TTC28: variants seen among roughly 807,000 people sequenced by gnomAD.
The protein encoded by TTC28 is tetratricopeptide repeat domain 28.
TTC28 carries 61 observed loss-of-function variants against 198.0 expected under a neutral mutation model. That is an observed-to-expected ratio of 0.31 (90% CI 0.25 to 0.38). TTC28 has a LOEUF of 0.38. TTC28 is among the 10% of genes least tolerant of loss of function. The probability of loss-of-function intolerance (pLI) is 1.00; values close to 1 mark genes in which losing one functional copy is unlikely to be tolerated. For synonymous variants in TTC28, 1,171 were observed against 1,297.8 expected, an observed-to-expected ratio of 0.90 and a Z score of 2.10; for missense variants, 2,678 against 3,164.0, an observed-to-expected ratio of 0.85 and a Z score of 3.69.
intron 2 of TTC28, among the ~76,000 whole-genome samples, chr22:28,606,656 A>ATGTG (rs1442774505): frequency 6.6e-6 from 1 of 152,174 alleles, no homozygotes; most frequent in Non-Finnish European, 1.5e-5. Context: ...AAAAATTTAT[A>ATGTG]TGTGTGTGTA....
rs965039449 is a variant in TTC28, at chr22:28,005,577, G to A, written c.4219-4024C>T. Reference sequence around the variant, plus strand: ...TGAGGAGGCAGGAGCCCTCCTGCTGGCCTGGGTCAGTGGTGGGTGAGGACA... The same window carrying A: ...TGAGGAGGCAGGAGCCCTCCTGCTGACCTGGGTCAGTGGTGGGTGAGGACA... On this transcript the variant is annotated intron_variant, in intron 14 of 22. Transcript: ENST00000397906. The surrounding 1 kb of genome is among the most constrained non-coding windows in gnomAD (Gnocchi z 4.9). Among the ~76,000 whole-genome samples, 5 of 152,214 alleles carry A rather than the reference G, an allele frequency of 3.3e-5. No individual in the cohort carries two copies. The highest frequency in any genetic ancestry group is 5.9e-5 in the Non-Finnish European group (4 of 68,032).
chr22:28,442,838 TC>T, intron 2 of TTC28: 1 of 152,542 alleles, frequency 6.6e-6, no homozygotes, highest in Non-Finnish European at 1.5e-5. Context: ...GTGTTACCCT[TC>T]CCCGGGTTGG....
chr22:28,131,081 G>C (rs1943050093), intron 6 of TTC28, among the ~76,000 whole-genome samples: 1 of 152,194 alleles, frequency 6.6e-6, no homozygotes, highest in African/African-American at 2.4e-5. Flanking sequence ...GCCTACTATG[G>C]AAGCATGTAT....
chr22:28,369,477 T>G (rs905619035), intron 2 of TTC28, among the ~76,000 whole-genome samples: 3 of 152,170 alleles, frequency 2.0e-5, no homozygotes, highest in African/African-American at 7.2e-5. Flanking sequence ...AAGTATTAGA[T>G]TAGTAACAGG....
chr22:27,981,229 A>ATTTTTTTTTTTTTT lies in TTC28; in HGVS notation c.*991_*992insAAAAAAAAAAAAAA, dbSNP rs1937001603. 4 of 72,734 alleles carry ATTTTTTTTTTTTTT rather than the reference A, an allele frequency of 5.5e-5. No individual in the cohort carries two copies. Among genetic ancestry groups the ATTTTTTTTTTTTTT allele is most frequent in the East Asian group, 3.7e-4 (1 of 2,736 alleles). 4.5% of individuals were successfully genotyped at this position (72,734 alleles called of 1,614,324 possible). On this transcript the variant is annotated 3_prime_UTR_variant, in exon 23 of 23. Coordinates refer to ENST00000397906, the MANE Select transcript of TTC28 (RefSeq NM_001145418.2). Reference sequence around the variant, plus strand: ...CTGGTTAAATCTAGTTAGCCATGGAAATTTTTTTTTTTTTTTTTTTTTTTT... The same window carrying ATTTTTTTTTTTTTT: ...CTGGTTAAATCTAGTTAGCCATGGAATTTTTTTTTTTTTTATTTTTTTTTTTTTTTTTTTTTTTT...
chr22:28,453,023 A>C (rs1467377363), intron 2 of TTC28, among the ~76,000 whole-genome samples: 2 of 152,176 alleles, frequency 1.3e-5, no homozygotes, highest in Non-Finnish European at 2.9e-5. Flanking sequence ...ATCCAGCTCC[A>C]ACAGTGATGA....
intron 12 of TTC28, among the ~76,000 whole-genome samples, chr22:28,045,933 G>A (rs979591763): frequency 1.3e-5 from 2 of 152,216 alleles, no homozygotes; most frequent in Admixed American, 1.3e-4. Flanking sequence ...AGGCACCACT[G>A]TACTTCAGCC....
chr22:28,191,698 C>T (rs1238718759), intron 5 of TTC28, among the ~76,000 whole-genome samples: 1 of 152,196 alleles, frequency 6.6e-6, no homozygotes, highest in Non-Finnish European at 1.5e-5. Context: ...ATTGCTAGCG[C>T]AGCAGTCTGA....
chr22:28,612,862 T>C (rs986529191), intron 2 of TTC28, among the ~76,000 whole-genome samples: 1 of 152,194 alleles, frequency 6.6e-6, no homozygotes, highest in Non-Finnish European at 1.5e-5. Flanking sequence ...TAGCACTAAA[T>C]GCCCATGAGA....
At chr22:28,531,118 T>G (rs1385854316) in intron 2 of TTC28, among the ~76,000 whole-genome samples, 3 of 152,094 alleles carry the variant, frequency 2.0e-5, no homozygotes, top group Admixed American at 6.6e-5. Context: ...ACTGGCAAAC[T>G]GGATGAAGAG....
intron 2 of TTC28, among the ~76,000 whole-genome samples, chr22:28,453,002 G>C (rs1051085569): frequency 6.6e-6 from 1 of 152,146 alleles, no homozygotes; most frequent in Non-Finnish European, 1.5e-5. Flanking sequence ...GGATCTCATG[G>C]GGTATCCTAT....
At chr22:28,458,556 A>T (rs2047899082) in intron 2 of TTC28, among the ~76,000 whole-genome samples, 1 of 152,192 alleles carries the variant, frequency 6.6e-6, no homozygotes, top group African/African-American at 2.4e-5. Context: ...AATCTTTTTT[A>T]AAATTGGTTT....
At chr22:28,519,904 T>C (rs772089311) in intron 2 of TTC28, among the ~76,000 whole-genome samples, 28 of 152,218 alleles carry the variant, frequency 1.8e-4, no homozygotes, top group Non-Finnish European at 3.8e-4. Flanking sequence ...CACATTCAAG[T>C]GTTGACAGTT....
intron 1 of TTC28, among the ~76,000 whole-genome samples, chr22:28,671,462 C>T (rs2051881938): frequency 6.6e-6 from 1 of 151,558 alleles, no homozygotes; most frequent in African/African-American, 2.4e-5. Flanking sequence ...AGTGAAACCC[C>T]ATCTCTACTA....
rs1014061551 is a variant in TTC28 at position 28,381,035 on chromosome 22, C to T, written c.382-74392G>A. ...TATTCATCTTGGTATTAGACACATA[C>T]ATGTACTAGGTTTACAGTTGTTAAA... On this transcript the variant is annotated intron_variant, in intron 2 of 22. Transcript: ENST00000397906. Among the ~76,000 whole-genome samples the T allele has an allele frequency of 7.3e-5, 11 of 151,130 alleles. No homozygotes were observed. In the South Asian group the frequency reaches 8.3e-4, roughly 11 times the overall value.
intron 2 of TTC28, among the ~76,000 whole-genome samples, chr22:28,431,645 T>G (rs548643421): frequency 6.6e-6 from 1 of 152,206 alleles, no homozygotes; most frequent in Non-Finnish European, 1.5e-5. Flanking sequence ...TGTACTAAGT[T>G]TCTCCATATT....
intron 5 of TTC28, among the ~76,000 whole-genome samples, chr22:28,192,482 G>T (rs540192734): frequency 3.9e-5 from 6 of 152,168 alleles, no homozygotes; most frequent in African/African-American, 9.6e-5. Flanking sequence ...CACACGATTG[G>T]TAATAACAAA....
intron 5 of TTC28, among the ~76,000 whole-genome samples, chr22:28,276,360 G>C (rs1393534546): frequency 6.6e-6 from 1 of 151,832 alleles, no homozygotes; most frequent in Non-Finnish European, 1.5e-5. Context: ...TAAACCATTG[G>C]GATCATGAGC....
At chr22:28,244,018 A>G (rs1191671110) in intron 5 of TTC28, among the ~76,000 whole-genome samples, 1 of 152,186 alleles carries the variant, frequency 6.6e-6, no homozygotes, top group East Asian at 1.9e-4. Flanking sequence ...AATTATACAT[A>G]TTTATTTTGC....
Sources: gnomAD v4.1 joint callset for allele counts (sites outside exome capture counted in the v4.1 genomes callset) on GRCh38, gnomAD v4.1.1 for gene constraint, Gnocchi (gnomAD v3.1) non-coding constraint, MANE v1.5 for transcripts, NCBI Gene and HGNC (gene_info 2026-07-23, HGNC 2026-07-21) for gene names.